Variants in TINAGL1 observed in about 807,000 individuals in gnomAD.
TINAGL1 encodes tubulointerstitial nephritis antigen-like.
Under a neutral mutation model 62.0 loss-of-function variants are expected in TINAGL1, and 34 were observed. The ratio of observed to expected loss-of-function variants is 0.55; its 90% CI spans 0.42 to 0.73. The LOEUF is 0.73. Ranked by LOEUF, TINAGL1 falls within the 30% of genes least tolerant of loss-of-function variation. The probability of loss-of-function intolerance (pLI) is 0.00; values close to 1 mark genes in which losing one functional copy is unlikely to be tolerated. For missense variants in TINAGL1, 516 were observed against 653.2 expected (o/e 0.79, Z 2.29); for synonymous variants, 221 against 249.7 (o/e 0.88, Z 1.08).
chr1:31,579,343 A>G (rs1570199034), intron 3 of TINAGL1, 76 bp downstream of exon 3: 1 of 1,351,022 alleles, frequency 7.4e-7, no homozygotes, highest in East Asian at 2.3e-5. Context: ...CTTATCCCTG[A>G]CCCCTTTTGC....
chr1:31,586,795 GC>G, intron 11 of TINAGL1, 40 bp downstream of exon 11: 2 of 1,542,208 alleles, frequency 1.3e-6, no homozygotes, highest in Non-Finnish European at 1.8e-6. Context: ...TCTTCCCCTC[GC>G]CCCACTCCCA....
chr1:31,585,671 G>C lies in TINAGL1; in HGVS notation c.1094-82G>C. The C allele has an allele frequency of 6.4e-7, 1 of 1,554,630 alleles. No individual in the cohort carries two copies. On this transcript the variant is annotated intron_variant, in intron 9 of 11. Transcript: ENST00000271064. This position sits in a 1 kb window ranked among gnomAD's most constrained non-coding sequence, Gnocchi z 4.3. ...AGCTTTGGTATGGAGGGACCCTGGT[G>C]CCTGGGCACATCTCAATAGACTCAG...
At chr1:31,578,999 G>GTT (rs1252907256) in intron 2 of TINAGL1, among the ~76,000 whole-genome samples, 6 of 96,656 alleles carry the variant, frequency 6.2e-5, no homozygotes, top group African/African-American at 1.8e-4. Context: ...AGTGACAGCT[G>GTT]GTGTGTGTGT....
intron 3 of TINAGL1, chr1:31,580,522 T>C (rs1435703232): frequency 1.6e-6 from 2 of 1,289,062 alleles, no homozygotes; most frequent in Non-Finnish European, 2.0e-6. Context: ...AACAGCCTGG[T>C]GTGCAGAGAG....
At chr1:31,578,277 A>T (rs1171256627) in intron 2 of TINAGL1, 7 of 143,056 alleles carry the variant, frequency 4.9e-5, no homozygotes, top group African/African-American at 3.2e-4. Context: ...TGTGTGTGTG[A>T]TGTCTTCAGT....
Position 31,583,182 on chromosome 1 carries a change from C to T in TINAGL1, c.408C>T (p.Asp136=). ...TCQENRQWQC[D]QEPCLVDPDM... ...AGGAGAACAGGCAGTGGCAGTGTGACCAAGAACCATGCCTGGTGGATCCAG... is the reference window on the plus strand; with the variant it reads ...AGGAGAACAGGCAGTGGCAGTGTGATCAAGAACCATGCCTGGTGGATCCAG... Residue 136 remains aspartate (D), a synonymous_variant, in exon 4 of 12, where the codon GAC becomes GAT. Coordinates refer to ENST00000271064, the MANE Select transcript of TINAGL1 (RefSeq NM_022164.3). This position sits in a 1 kb window ranked among gnomAD's most constrained non-coding sequence, Gnocchi z 4.4. 1 of 1,614,184 alleles carries T rather than the reference C, an allele frequency of 6.2e-7. No individual in the cohort carries two copies. The highest frequency in any genetic ancestry group is 2.2e-5 in the East Asian group (1 of 44,878).
intron 10 of TINAGL1, chr1:31,586,323 C>T: frequency 2.5e-6 from 1 of 400,604 alleles, no homozygotes; most frequent in Non-Finnish European, 4.5e-6. Flanking sequence ...CTAAGATACC[C>T]ATATTCTCAG....
At position 31,581,152 on chromosome 1, in the gene TINAGL1, G is replaced by A. The variant is rs577453597; in HGVS notation, c.374+1885G>A. Among the ~76,000 whole-genome samples the A allele has an allele frequency of 1.1e-4, 17 of 152,324 alleles. No individual in the cohort carries two copies. In the East Asian group the frequency reaches 2.9e-3, roughly 26 times the overall value. The stretch of plus-strand genomic sequence containing the variant: ...TAGGGGAGAGACGTCCCAAGGAGGT[G>A]CAGGCCACGTTCCGTGGCTCACATC... On this transcript the variant is annotated intron_variant, in intron 3 of 11. Transcript: ENST00000271064.
At chr1:31,578,051 C>A in intron 2 of TINAGL1, 1 of 614,816 alleles carries the variant, frequency 1.6e-6, no homozygotes, top group Non-Finnish European at 2.0e-6. Flanking sequence ...TTGGCTTCCC[C>A]ATGCTCCTCC....
chr1:31,580,480 T>A, intron 3 of TINAGL1: 1 of 1,289,170 alleles, frequency 7.8e-7, no homozygotes, highest in Non-Finnish European at 1.0e-6. Context: ...CAGAGTCTAG[T>A]CGGGTGCTGC....
At chr1:31,578,097 G>A (rs1365724496) in intron 2 of TINAGL1, 42 of 975,070 alleles carry the variant, frequency 4.3e-5, no homozygotes, top group Non-Finnish European at 5.1e-5. Context: ...TATTTAAATG[G>A]AAAAGGATCC....
intron 3 of TINAGL1, chr1:31,580,525 G>A (rs993042644): frequency 1.6e-6 from 2 of 1,289,262 alleles, no homozygotes; most frequent in African/African-American, 3.0e-5. Context: ...AGCCTGGTGT[G>A]CAGAGAGGGA....
At chr1:31,580,440 C>T (rs1557558332) in intron 3 of TINAGL1, 1 of 1,289,264 alleles carries the variant, frequency 7.8e-7, no homozygotes, top group Admixed American at 2.3e-5. Context: ...GGGGAGTGTC[C>T]AGGGTGTCAG....
At position 31,581,776 on chromosome 1, in the gene TINAGL1, C is replaced by T. The variant is rs140823890; in HGVS notation, c.375-1373C>T. ...GAAAGTGGTACCACTGTATTATCCT[C>T]ATTTTATAGACAAGGGCATTGAGAG... On this transcript the variant is annotated intron_variant, in intron 3 of 11. Coordinates refer to ENST00000271064, the MANE Select transcript of TINAGL1 (RefSeq NM_022164.3). 5.2e-4 allele frequency among the ~76,000 whole-genome samples: 79 copies of T among 152,314 alleles called. No homozygotes were observed. The East Asian group carries it at 0.013, about 25-fold the overall frequency.
rs902468559 is a variant in TINAGL1, at chr1:31,583,810, C to G, written c.582+235C>G. 7.3e-5 allele frequency: 40 copies of G among 550,744 alleles called. 1 individual carries two copies. The Admixed American group carries it at 8.6e-4, about 12-fold the overall frequency. 34.1% of individuals were successfully genotyped at this position (550,744 alleles called of 1,614,324 possible). A position where few individuals can be genotyped will look rare whatever the true frequency, so the allele number is the denominator to read the frequency against. On this transcript the variant is annotated intron_variant, in intron 5 of 11. Transcript: ENST00000271064. The surrounding 1 kb of genome is among the most constrained non-coding windows in gnomAD (Gnocchi z 4.4). ...TCGTGGTCTTGGCATCAGCTCCCCC[C>G]TGATCTCTCCAGCCTGGGAAAAATG...
At chr1:31,580,553 G>GC (rs1376699534) in intron 3 of TINAGL1, 43 of 1,289,056 alleles carry the variant, frequency 3.3e-5, no homozygotes, top group Non-Finnish European at 4.3e-5. Context: ...GATGAGGAAA[G>GC]CCTTCCCGGC....
At chr1:31,579,346 C>A (rs1639140385) in intron 3 of TINAGL1, 79 bp downstream of exon 3, 1 of 1,329,842 alleles carries the variant, frequency 7.5e-7, no homozygotes, top group Non-Finnish European at 1.1e-6. Flanking sequence ...ATCCCTGACC[C>A]CTTTTGCAAG....
intron 3 of TINAGL1, among the ~76,000 whole-genome samples, chr1:31,582,048 G>A (rs1356393449): frequency 6.6e-6 from 1 of 152,226 alleles, no homozygotes; most frequent in South Asian, 2.1e-4. Flanking sequence ...AATATAAACA[G>A]GCCGGGCCTG....
rs1367596514 is a variant in TINAGL1 at position 31,585,664 on chromosome 1, C to T, written c.1094-89C>T. 6.5e-7 allele frequency: 1 copy of T among 1,550,014 alleles called. No homozygotes were observed. Among genetic ancestry groups the T allele is most frequent in the Non-Finnish European group, 8.7e-7 (1 of 1,146,626 alleles). On this transcript the variant is annotated intron_variant, in intron 9 of 11. Transcript: ENST00000271064. This position sits in a 1 kb window ranked among gnomAD's most constrained non-coding sequence, Gnocchi z 4.3. ...CACTTAGAGCTTTGGTATGGAGGGA[C>T]CCTGGTGCCTGGGCACATCTCAATA... is the stretch of plus-strand genomic sequence containing the variant.
Sources: gnomAD v4.1 joint callset for allele counts (sites outside exome capture counted in the v4.1 genomes callset) on GRCh38, gnomAD v4.1.1 for gene constraint, Gnocchi (gnomAD v3.1) non-coding constraint, MANE v1.5 for transcripts, NCBI Gene and HGNC (gene_info 2026-07-23, HGNC 2026-07-21) for gene names.